The following PNPT1 variants were observed in gnomAD, a reference collection of about 807,000 sequenced individuals.
The protein encoded by PNPT1 is polyribonucleotide nucleotidyltransferase 1.
PNPT1 carries 53 observed loss-of-function variants against 119.5 expected under a neutral mutation model. The ratio of observed to expected loss-of-function variants is 0.44; its 90% CI spans 0.36 to 0.56. The LOEUF (loss-of-function observed/expected upper bound fraction) is 0.56. Among genes scored for constraint, PNPT1 ranks in the 20% least tolerant of loss-of-function variants. The pLI, the probability that PNPT1 is intolerant of heterozygous loss-of-function variation, is 0.00. For missense variants in PNPT1, 948 were observed against 938.5 expected, an observed-to-expected ratio of 1.01 and a Z score of -0.13; for synonymous variants, 357 against 322.1, an observed-to-expected ratio of 1.11 and a Z score of -1.16.
intron 27 of PNPT1, 28 bp from the exon 28 acceptor site, chr2:55,636,420 A>G: frequency 6.2e-7 from 1 of 1,609,668 alleles, no homozygotes; most frequent in Non-Finnish European, 8.5e-7. Flanking sequence ...ATCTTCCTTT[A>G]AAGTTACAGC....
intron 6 of PNPT1, 22 bp downstream of exon 6, chr2:55,680,833 T>C (rs1385642274): frequency 1.2e-6 from 2 of 1,612,770 alleles, no homozygotes; most frequent in Non-Finnish European, 1.7e-6. Flanking sequence ...CTGATAATTT[T>C]AATCTCTACT....
chr2:55,647,479 T>G, intron 18 of PNPT1, 26 bp from the exon 19 acceptor site: 2 of 1,545,090 alleles, frequency 1.3e-6, no homozygotes, highest in Non-Finnish European at 1.8e-6. Flanking sequence ...AGAACAACTG[T>G]GGGTAATGTG....
chr2:55,645,868 C>G (rs56098806), intron 21 of PNPT1, among the ~76,000 whole-genome samples: 3 of 151,966 alleles, frequency 2.0e-5, no homozygotes, highest in Non-Finnish European at 2.9e-5. Flanking sequence ...CCCTCTGTCA[C>G]CCAGGCTGGC....
In PNPT1 at chr2:55,693,486, G is replaced by A. The variant is rs566889057; in HGVS notation, c.161+177C>T. ...CAGAGAGAACGACATAGCGCGGGAAGGAGGGTCCGAGGAGACACATTCCAA... is the reference window on the plus strand; with the variant it reads ...CAGAGAGAACGACATAGCGCGGGAAAGAGGGTCCGAGGAGACACATTCCAA... On this transcript the variant is annotated intron_variant, in intron 1 of 27. Transcript: ENST00000447944. Among the ~76,000 whole-genome samples the A allele has an allele frequency of 2.0e-5, 3 of 152,348 alleles. No individual in the cohort carries two copies. In the East Asian group the frequency reaches 5.8e-4, roughly 29 times the overall value.
At position 55,656,639 on chromosome 2, in the gene PNPT1, T is replaced by C. The variant is rs151105916; in HGVS notation, c.1285-268A>G. Among the ~76,000 whole-genome samples the C allele has an allele frequency of 2.0e-5, 3 of 152,334 alleles. No individual in the cohort carries two copies. The East Asian group carries it at 5.8e-4, about 29-fold the overall frequency. On this transcript the variant is annotated intron_variant, in intron 15 of 27. Coordinates refer to ENST00000447944, the MANE Select transcript of PNPT1 (RefSeq NM_033109.5). ...ATTTACACCATAAATTTCCATTACA[T>C]TTAAATTATTAACAATAACGTTATA...
At chr2:55,668,032 A>G in intron 11 of PNPT1, 74 bp from the exon 12 acceptor site, 1 of 1,304,464 alleles carries the variant, frequency 7.7e-7, no homozygotes, top group Non-Finnish European at 1.1e-6. Flanking sequence ...AGTTCATAGC[A>G]TAATATCAAC....
In PNPT1 at chr2:55,660,010, G is replaced by A. The variant is rs571903016; in HGVS notation, c.1284+147C>T. ...TCCCAGCTACTTGGGAGGCTGAGGC[G>A]GGAGGATGTCTTGAGCCTGGGAGGG... is the stretch of plus-strand genomic sequence containing the variant. On this transcript the variant is annotated intron_variant, in intron 15 of 27. Coordinates refer to ENST00000447944, the MANE Select transcript of PNPT1 (RefSeq NM_033109.5). 45 of 653,100 alleles carry A rather than the reference G, an allele frequency of 6.9e-5. 1 individual carries two copies. In the Admixed American group the frequency reaches 1.1e-3, roughly 16 times the overall value. The allele number at this position is 653,100 out of a possible 1,614,324, so 40.5% of individuals were successfully genotyped here. A position where few individuals can be genotyped will look rare whatever the true frequency, so the allele number is the denominator to read the frequency against.
intron 18 of PNPT1, among the ~76,000 whole-genome samples, chr2:55,651,885 C>CAAAAAAAAAA: frequency 2.3e-4 from 27 of 119,744 alleles, no homozygotes; most frequent in Non-Finnish European, 2.8e-4. Flanking sequence ...AAAGGAAAGT[C>CAAAAAAAAAA]AAAAAAAAAA....
intron 4 of PNPT1, among the ~76,000 whole-genome samples, chr2:55,684,624 G>C (rs1054981612): frequency 1.3e-5 from 2 of 152,132 alleles, no homozygotes; most frequent in African/African-American, 4.8e-5. Flanking sequence ...ACTAGGAATA[G>C]ATTCAACAAA....
chr2:55,674,405 C>T (rs141498408), intron 8 of PNPT1, among the ~76,000 whole-genome samples: 5 of 152,186 alleles, frequency 3.3e-5, no homozygotes, highest in African/African-American at 7.2e-5. Context: ...CCAGCCTGGG[C>T]AACATAGCGA....
At chr2:55,644,185 C>G (rs899450759) in intron 23 of PNPT1, among the ~76,000 whole-genome samples, 3 of 152,180 alleles carry the variant, frequency 2.0e-5, no homozygotes, top group Admixed American at 2.0e-4. Flanking sequence ...GTGCTTCTCA[C>G]TCTCTTGCAG....
At chr2:55,667,177 A>C in intron 12 of PNPT1, 84 bp from the exon 13 acceptor site, 10 of 1,003,858 alleles carry the variant, frequency 1.0e-5, no homozygotes, top group East Asian at 2.5e-5. Context: ...GGAAGTTCTC[A>C]ACCTCAGTTG....
chr2:55,674,611 A>G (rs919169547), intron 8 of PNPT1, among the ~76,000 whole-genome samples: 16 of 152,152 alleles, frequency 1.1e-4, no homozygotes, highest in South Asian at 4.1e-4. Context: ...AAATAAATAA[A>G]TAGAGAAAAA....
chr2:55,659,932 A>G (rs999950250), intron 15 of PNPT1, among the ~76,000 whole-genome samples: 5 of 152,092 alleles, frequency 3.3e-5, no homozygotes, highest in Admixed American at 3.3e-4. Context: ...GCAAAACCCC[A>G]TCTCTAGAAA....
rs914671645 is a variant in PNPT1 at position 55,667,787 on chromosome 2, G to A, written c.1073+75C>T. 203 of 1,505,150 alleles carry A rather than the reference G, an allele frequency of 1.3e-4. 1 individual carries two copies. The highest frequency in any genetic ancestry group is 3.9e-4 in the South Asian group (31 of 79,996). 93.2% of individuals were successfully genotyped at this position (1,505,150 alleles called of 1,614,324 possible). ...ACTTGAAAAAAAACAAACTTTCTTT[G>A]ATCAAGTTTCCATTTTCAAGGCAAC... On this transcript the variant is annotated intron_variant, in intron 12 of 27. Coordinates refer to ENST00000447944, the MANE Select transcript of PNPT1 (RefSeq NM_033109.5).
intron 23 of PNPT1, among the ~76,000 whole-genome samples, chr2:55,643,866 G>A (rs942087782): frequency 4.6e-5 from 7 of 152,150 alleles, no homozygotes; most frequent in Non-Finnish European, 7.3e-5. Flanking sequence ...TAGGAATGAA[G>A]GAATTCATTC....
At chr2:55,676,319 T>C (rs982378837) in intron 8 of PNPT1, among the ~76,000 whole-genome samples, 1 of 150,684 alleles carries the variant, frequency 6.6e-6, no homozygotes, top group African/African-American at 2.5e-5. Flanking sequence ...ATTTTAGCAG[T>C]TGAAGATGAA....
At chr2:55,646,381 T>G in intron 20 of PNPT1, 34 bp downstream of exon 20, 4 of 1,604,670 alleles carry the variant, frequency 2.5e-6, no homozygotes, top group Non-Finnish European at 3.4e-6. Flanking sequence ...ATTTAAATGT[T>G]ACAAAAATGA....
intron 25 of PNPT1, 75 bp downstream of exon 25, chr2:55,643,083 C>T (rs1258961727): frequency 1.3e-6 from 2 of 1,482,532 alleles, no homozygotes; most frequent in East Asian, 2.3e-5. Context: ...CACTGTATCC[C>T]ACTGTGGGTG....
Sources: allele counts gnomAD v4.1 joint callset (sites outside exome capture counted in the v4.1 genomes callset), GRCh38; gene constraint gnomAD v4.1.1; transcripts MANE v1.5; gene names NCBI Gene and HGNC (gene_info 2026-07-23, HGNC 2026-07-21).